TMEM231: variants seen among roughly 807,000 people sequenced by gnomAD.
The protein encoded by TMEM231 is transmembrane protein 231.
TMEM231 carries 40 observed loss-of-function variants against 38.5 expected under a neutral mutation model. The ratio of observed to expected loss-of-function variants is 1.04; its 90% CI spans 0.81 to 1.35. The LOEUF is 1.35. Among genes scored for constraint, TMEM231 ranks in the 40% most tolerant of loss-of-function variants. The pLI, the probability that TMEM231 is intolerant of heterozygous loss-of-function variation, is 0.00. For synonymous variants in TMEM231, 199 were observed against 181.7 expected, an observed-to-expected ratio of 1.10 and a Z score of -0.77; for missense variants, 420 against 416.9, an observed-to-expected ratio of 1.01 and a Z score of -0.07.
Position 75,550,863 on chromosome 16 carries a change from C to A in TMEM231, c.310-4909G>T, listed in dbSNP as rs535736952. Among the ~76,000 whole-genome samples, 261 of 151,950 alleles carry A rather than the reference C, an allele frequency of 1.7e-3. 1 individual carries two copies. The highest frequency in any genetic ancestry group is 2.4e-3 in the Non-Finnish European group (161 of 67,984). On this transcript the variant is annotated intron_variant, in intron 2 of 6. Coordinates refer to ENST00000258173, the MANE Select transcript of TMEM231 (RefSeq NM_001077418.3). ...TCCCAAACAGCTGGGATTACAGGAA[C>A]CTGCCATCACACCCGGCTAATTTTT... is the stretch of plus-strand genomic sequence containing the variant.
intron 2 of TMEM231, among the ~76,000 whole-genome samples, chr16:75,547,916 A>G (rs1199321536): frequency 6.6e-6 from 1 of 152,214 alleles, no homozygotes; most frequent in Non-Finnish European, 1.5e-5. Flanking sequence ...TTGGACAGGA[A>G]GAAAAGAGCA....
rs118186772 is a variant in TMEM231, at chr16:75,539,939, C to T, written c.*55G>A. 39,708 of 1,509,140 alleles carry T rather than the reference C, an allele frequency of 0.026. 607 individuals carry two copies. The highest frequency in any genetic ancestry group is 0.031 in the Non-Finnish European group (34,615 of 1,114,440). 93.5% of individuals were successfully genotyped at this position (1,509,140 alleles called of 1,614,324 possible). A position where few individuals can be genotyped will look rare whatever the true frequency, so the allele number is the denominator to read the frequency against. The stretch of plus-strand genomic sequence containing the variant: ...CTTTCAAAAGGTCCTAAGATGTTCC[C>T]AGAAGATGACAATGAGGCAGCCACG... On this transcript the variant is annotated 3_prime_UTR_variant, in exon 7 of 7. Transcript: ENST00000258173.
At chr16:75,551,167 G>A (rs1014827625) in intron 2 of TMEM231, among the ~76,000 whole-genome samples, 1 of 152,110 alleles carries the variant, frequency 6.6e-6, no homozygotes, top group South Asian at 2.1e-4. Flanking sequence ...CTGCCACTTC[G>A]TGGTTCCTTT....
chr16:75,540,209 G>T, intron 6 of TMEM231, 35 bp from the exon 7 acceptor site: 1 of 1,571,504 alleles, frequency 6.4e-7, no homozygotes, highest in Non-Finnish European at 8.6e-7. Context: ...GCCACATGGT[G>T]TTAAGTATGA....
At chr16:75,549,253 T>C (rs1188139990) in intron 2 of TMEM231, among the ~76,000 whole-genome samples, 2 of 152,222 alleles carry the variant, frequency 1.3e-5, no homozygotes, top group African/African-American at 4.8e-5. Flanking sequence ...AAGTTTAACA[T>C]ATGTGCAATA....
chr16:75,543,356 C>T lies in TMEM231; in HGVS notation c.583-673G>A, dbSNP rs546832405. Among the ~76,000 whole-genome samples, 25 of 152,286 alleles carry T rather than the reference C, an allele frequency of 1.6e-4. No individual in the cohort carries two copies. The South Asian group carries it at 5.0e-3, about 30-fold the overall frequency. The stretch of plus-strand genomic sequence containing the variant: ...CCCAGGCAGATGGATCACTTGAGAC[C>T]AGGAGTTCGAGACCAGTCTGGCCAA... On this transcript the variant is annotated intron_variant, in intron 4 of 6. Transcript: ENST00000258173.
At chr16:75,548,055 C>T (rs886515154) in intron 2 of TMEM231, among the ~76,000 whole-genome samples, 3 of 152,116 alleles carry the variant, frequency 2.0e-5, no homozygotes, top group African/African-American at 7.2e-5. Flanking sequence ...AAGCCCCAGG[C>T]AGGCAGAACA....
At chr16:75,555,348 C>G (rs1476609887) in intron 2 of TMEM231, 2 of 159,338 alleles carry the variant, frequency 1.3e-5, no homozygotes, top group African/African-American at 4.8e-5. Flanking sequence ...GCCTTGGTTT[C>G]CAGGGGTCAG....
At chr16:75,549,318 C>T (rs540447586) in intron 2 of TMEM231, among the ~76,000 whole-genome samples, 69 of 152,336 alleles carry the variant, frequency 4.5e-4, no homozygotes, top group Non-Finnish European at 6.9e-4. Flanking sequence ...AATTCTAGGT[C>T]GCTATCTAAC....
chr16:75,541,336 A>C lies in TMEM231; in HGVS notation c.770+14T>G. ...CATCCAGCCTTAACATGGACTCTTT[A>C]ACAGAAAGGATATGAAATGACTTCC... On this transcript the variant is annotated intron_variant, in intron 6 of 6. Transcript: ENST00000258173. 6.3e-7 allele frequency: 1 copy of C among 1,590,258 alleles called. No homozygotes were observed. Among genetic ancestry groups the C allele is most frequent in the Non-Finnish European group, 8.6e-7 (1 of 1,162,834 alleles).
intron 5 of TMEM231, 41 bp downstream of exon 5, chr16:75,542,561 A>C: frequency 6.4e-7 from 1 of 1,566,660 alleles, no homozygotes; most frequent in Non-Finnish European, 8.8e-7. Flanking sequence ...TAACCTTGAA[A>C]GTCCTGAGCA....
Position 75,540,401 on chromosome 16 carries a change from G to C in TMEM231, c.771-227C>G, listed in dbSNP as rs147814315. ...ACCAACCTCCTAAACAGACAACTAT[G>C]CCAAACTAGATTGATCATGGACTAG... On this transcript the variant is annotated intron_variant, in intron 6 of 6. Coordinates refer to ENST00000258173, the MANE Select transcript of TMEM231 (RefSeq NM_001077418.3). 5.8e-4 allele frequency among the ~76,000 whole-genome samples: 89 copies of C among 152,300 alleles called. 1 individual carries two copies. In the East Asian group the frequency reaches 0.015, roughly 25 times the overall value.
In TMEM231 at chr16:75,543,859, C is replaced by T. The variant is rs552487406; in HGVS notation, c.583-1176G>A. The stretch of plus-strand genomic sequence containing the variant: ...CTTTACAACTTATATTGATTATAGT[C>T]AGAGCAACAGTAAAACCCACTATAT... On this transcript the variant is annotated intron_variant, in intron 4 of 6. Transcript: ENST00000258173. 2.6e-5 allele frequency among the ~76,000 whole-genome samples: 4 copies of T among 152,274 alleles called. No homozygotes were observed. In the South Asian group the frequency reaches 8.3e-4, roughly 32 times the overall value.
intron 3 of TMEM231, 50 bp downstream of exon 3, chr16:75,545,776 C>T: frequency 1.3e-6 from 1 of 780,344 alleles, no homozygotes; most frequent in Non-Finnish European, 1.9e-6. Flanking sequence ...GGACTCTGGT[C>T]TACTAAAAAG....
At chr16:75,540,582 A>T (rs183386367) in intron 6 of TMEM231, among the ~76,000 whole-genome samples, 36 of 152,190 alleles carry the variant, frequency 2.4e-4, no homozygotes, top group African/African-American at 8.2e-4. Context: ...AATTCCTAAG[A>T]CCCCAGTTAA....
chr16:75,540,072 C>A lies in TMEM231; in HGVS notation c.873G>T (p.Val291=). 1 of 1,613,796 alleles carries A rather than the reference C, an allele frequency of 6.2e-7. No homozygotes were observed. Among genetic ancestry groups the A allele is most frequent in the Non-Finnish European group, 8.5e-7 (1 of 1,179,768 alleles). Residue 291 remains valine (V), a synonymous_variant, in exon 7 of 7, where the codon GTG becomes GTT. Transcript: ENST00000258173. ...LWVFERIKIF[V]FQNQVVTTIP... is the part of the protein sequence containing the mutation. Reference sequence around the variant, plus strand: ...TGGTGGTCACCACCTGATTCTGAAACACGAAGATCTTGATTCTTTCAAACA... The same window carrying A: ...TGGTGGTCACCACCTGATTCTGAAAAACGAAGATCTTGATTCTTTCAAACA...
At chr16:75,552,633 G>A (rs978373271) in intron 2 of TMEM231, among the ~76,000 whole-genome samples, 5 of 152,002 alleles carry the variant, frequency 3.3e-5, no homozygotes, top group African/African-American at 1.2e-4. Flanking sequence ...CTGTCTCTGG[G>A]GTTTCCTCTG....
chr16:75,556,240 G>C lies in TMEM231; in HGVS notation c.-31C>G. The C allele has an allele frequency of 3.6e-6, 5 of 1,394,916 alleles. No homozygotes were observed. The highest frequency in any genetic ancestry group is 4.6e-6 in the Non-Finnish European group (5 of 1,078,826). 86.4% of individuals were successfully genotyped at this position (1,394,916 alleles called of 1,614,324 possible). ...CCGCTCGCAGGCACTCCGCGAGCCG[G>C]GGGACCAAGTTTGGCTTCTCCTGGT... On this transcript the variant is annotated 5_prime_UTR_variant, in exon 1 of 7. Transcript: ENST00000258173.
intron 2 of TMEM231, among the ~76,000 whole-genome samples, chr16:75,550,557 C>G (rs2080746997): frequency 6.6e-6 from 1 of 152,126 alleles, no homozygotes; most frequent in Admixed American, 6.5e-5. Context: ...AGCACACCAC[C>G]TGACTGCAGG....
Sources: gnomAD v4.1 joint callset for allele counts (sites outside exome capture counted in the v4.1 genomes callset) on GRCh38, gnomAD v4.1.1 for gene constraint, MANE v1.5 for transcripts, NCBI Gene and HGNC (gene_info 2026-07-23, HGNC 2026-07-21) for gene names.